The following IDO2 variants were observed in gnomAD, a reference collection of about 807,000 sequenced individuals.
IDO2 encodes indoleamine 2,3-dioxygenase-like 1 protein.
A neutral mutation model predicts 45.1 loss-of-function variants in IDO2; 46 were observed. The ratio of observed to expected loss-of-function variants is 1.02; its 90% CI spans 0.80 to 1.30. The LOEUF (loss-of-function observed/expected upper bound fraction) is 1.30. Among genes scored for constraint, IDO2 ranks in the 50% most tolerant of loss-of-function variants. The pLI is 0.00. For synonymous variants in IDO2, 218 were observed against 184.9 expected, an observed-to-expected ratio of 1.18 and a Z score of -1.45; for missense variants, 544 against 491.8, an observed-to-expected ratio of 1.11 and a Z score of -1.00.
chr8:40,015,707 C>T, exon 11 of IDO2: 1 of 804,548 alleles, frequency 1.2e-6, no homozygotes, highest in African/African-American at 1.7e-5. Flanking sequence ...GGATCTCAGC[C>T]CTATTCATGT....
intron 6 of IDO2, 95 bp from the exon 7 acceptor site, chr8:39,987,776 C>T (rs1808446162): frequency 2.8e-6 from 2 of 710,064 alleles, no homozygotes; most frequent in East Asian, 2.7e-5. Flanking sequence ...AGTGATTCCA[C>T]CCTGCAGTTA....
At chr8:39,959,957 C>T (rs940117679) in intron 2 of IDO2, among the ~76,000 whole-genome samples, 3 of 151,868 alleles carry the variant, frequency 2.0e-5, no homozygotes, top group African/African-American at 4.8e-5. Context: ...TTAGACTGAG[C>T]GATAGAGTGA....
At chr8:39,988,959 T>C (rs571163512) in intron 7 of IDO2, among the ~76,000 whole-genome samples, 1 of 152,298 alleles carries the variant, frequency 6.6e-6, no homozygotes. Context: ...GAGGGGATTC[T>C]AGAGCTGGGG....
intron 8 of IDO2, among the ~76,000 whole-genome samples, chr8:40,000,809 C>T (rs1802123162): frequency 6.6e-6 from 1 of 152,170 alleles, no homozygotes; most frequent in East Asian, 1.9e-4. Context: ...TTGTTCTTCA[C>T]AATGTTTGAA....
At chr8:39,968,340 T>C (rs754371144) in intron 3 of IDO2, among the ~76,000 whole-genome samples, 6 of 152,186 alleles carry the variant, frequency 3.9e-5, no homozygotes, top group Non-Finnish European at 8.8e-5. Flanking sequence ...TATAGCTTTA[T>C]GGTTACTAGA....
intron 5 of IDO2, chr8:39,985,291 C>A: frequency 3.5e-6 from 2 of 563,764 alleles, no homozygotes; most frequent in Admixed American, 3.4e-5. Context: ...GTGGAAATGT[C>A]GCTCACCCTT....
rs774770635 is a variant in IDO2, at chr8:39,951,427, G to A, written c.99+2163G>A. 2.0e-4 allele frequency among the ~76,000 whole-genome samples: 30 copies of A among 152,142 alleles called. No homozygotes were observed. The Middle Eastern group carries it at 0.01, about 52-fold the overall frequency. ...CCTATTTGTTAGGTACTGGATGGACGCCTGACATGCAAGACTCTCAGTGCT... is the reference window on the plus strand; with the variant it reads ...CCTATTTGTTAGGTACTGGATGGACACCTGACATGCAAGACTCTCAGTGCT... On this transcript the variant is annotated intron_variant, in intron 2 of 10. Transcript: ENST00000502986.
intron 1 of IDO2, among the ~76,000 whole-genome samples, chr8:39,938,632 G>A (rs186698017): frequency 2.4e-4 from 36 of 152,068 alleles, no homozygotes; most frequent in Admixed American, 1.2e-3. Context: ...GAAAGGCATC[G>A]TCAAGAGAAC....
chr8:39,991,607 GTCAC>G (rs1389182672), intron 8 of IDO2, among the ~76,000 whole-genome samples: 2 of 122,688 alleles, frequency 1.6e-5, no homozygotes, highest in Non-Finnish European at 3.2e-5. Context: ...GTCTCACTCT[GTCAC>G]TCAGGCTGGA....
intron 3 of IDO2, among the ~76,000 whole-genome samples, chr8:39,970,032 C>T (rs905477291): frequency 6.6e-6 from 1 of 152,190 alleles, no homozygotes; most frequent in Non-Finnish European, 1.5e-5. Context: ...AGTGCTACTC[C>T]AGTGAACATA....
intron 5 of IDO2, 143 bp downstream of exon 5, chr8:39,982,913 A>G (rs1808375135): frequency 1.8e-6 from 1 of 563,560 alleles, no homozygotes; most frequent in African/African-American, 1.9e-5. Flanking sequence ...AAATTCAAAT[A>G]TCACAGGCCC....
At chr8:39,995,607 T>C (rs1184934531) in intron 8 of IDO2, among the ~76,000 whole-genome samples, 1 of 152,058 alleles carries the variant, frequency 6.6e-6, no homozygotes, top group South Asian at 2.1e-4. Flanking sequence ...CACGAGCTGT[T>C]CCAGTATAAT....
intron 9 of IDO2, among the ~76,000 whole-genome samples, chr8:40,013,037 A>C (rs187804364): frequency 1.1e-4 from 16 of 152,262 alleles, no homozygotes; most frequent in African/African-American, 3.8e-4. Context: ...ATGACTTCTT[A>C]ACAATTATCA....
intron 8 of IDO2, among the ~76,000 whole-genome samples, chr8:40,004,525 T>TGATAGATATA (rs1802186739): frequency 6.9e-6 from 1 of 144,398 alleles, no homozygotes; most frequent in Non-Finnish European, 1.5e-5. Flanking sequence ...GACAGACAGA[T>TGATAGATATA]GATAGATAGA....
intron 4 of IDO2, among the ~76,000 whole-genome samples, 197 bp from the exon 5 acceptor site, chr8:39,982,455 C>G (rs1328064667): frequency 6.6e-6 from 1 of 152,118 alleles, no homozygotes; most frequent in African/African-American, 2.4e-5. Context: ...ACCGTGTACT[C>G]ATAAGCAGTA....
intron 8 of IDO2, among the ~76,000 whole-genome samples, chr8:39,990,091 T>C (rs1017009046): frequency 1.3e-5 from 2 of 152,184 alleles, no homozygotes; most frequent in African/African-American, 2.4e-5. Flanking sequence ...TGGCCAGATA[T>C]TTCTTAGGCA....
intron 3 of IDO2, among the ~76,000 whole-genome samples, chr8:39,964,966 C>T (rs1808063342): frequency 6.6e-6 from 1 of 152,130 alleles, no homozygotes; most frequent in South Asian, 2.1e-4. Context: ...AGAAGAGAAG[C>T]AAGGGAAGCC....
chr8:39,977,444 C>T (rs1307877678), intron 3 of IDO2, among the ~76,000 whole-genome samples: 6 of 152,326 alleles, frequency 3.9e-5, no homozygotes, highest in East Asian at 1.9e-4. Context: ...GAGGCCAAGG[C>T]GGGAGGATTG....
At position 39,987,911 on chromosome 8, in the gene IDO2, C is replaced by T. The variant is rs756436380; in HGVS notation, c.490C>T (p.Leu164=). 3.1e-6 allele frequency: 5 copies of T among 1,611,658 alleles called. No homozygotes were observed. In the Admixed American group the frequency reaches 8.4e-5, roughly 27 times the overall value. Residue 164 remains leucine (L), a synonymous_variant, in exon 7 of 11, where the codon CTG becomes TTG. Transcript: ENST00000502986. ...CATCTCATTTCCTGGGGGAGAGAGCCTGCATGGTTTTATACTGGTGACTGC... is the reference window on the plus strand; with the variant it reads ...CATCTCATTTCCTGGGGGAGAGAGCTTGCATGGTTTTATACTGGTGACTGC...
Sources: gnomAD v4.1 joint callset for allele counts (sites outside exome capture counted in the v4.1 genomes callset) on GRCh38, gnomAD v4.1.1 for gene constraint, MANE v1.5 for transcripts, NCBI Gene and HGNC (gene_info 2026-07-23, HGNC 2026-07-21) for gene names.